Variants in IGF1 observed in about 807,000 individuals in gnomAD.
IGF1 encodes the protein insulin like growth factor 1, also known as insulin-like growth factor 1.
In IGF1, 4 loss-of-function variants were observed where a neutral mutation model predicts 13.8. The ratio of observed to expected loss-of-function variants is 0.29; its 90% CI spans 0.14 to 0.66. The LOEUF (loss-of-function observed/expected upper bound fraction) is 0.66, where lower values mean the gene tolerates loss of function less well. Among genes scored for constraint, IGF1 ranks in the 30% least tolerant of loss-of-function variants. The pLI is 0.78. For synonymous variants in IGF1, 76 were observed against 72.6 expected (o/e 1.05, Z -0.23); for missense variants, 124 against 188.5 (o/e 0.66, Z 2.00).
intron 2 of IGF1, among the ~76,000 whole-genome samples, chr12:102,424,239 C>CT (rs11305762): frequency 0.026 from 3,653 of 139,098 alleles, 149 homozygotes; most frequent in African/African-American, 0.085. Context: ...AAGTTGATCC[C>CT]TTTTTTTTTT....
chr12:102,422,352 T>G (rs1230696829), intron 2 of IGF1, among the ~76,000 whole-genome samples: 1 of 152,228 alleles, frequency 6.6e-6, no homozygotes. Flanking sequence ...ACTCATAATG[T>G]CTACAATGGA....
chr12:102,480,491 A>G lies in IGF1; in HGVS notation c.-110T>C. On this transcript the variant is annotated 5_prime_UTR_variant, in exon 1 of 4. Coordinates refer to ENST00000337514, the MANE Select transcript of IGF1 (RefSeq NM_000618.5). ...AGAGCAATGTCACATTTCAATTTTGAGGACTTTATTCCATTGCGCAGGCTC... is the reference window on the plus strand; with the variant it reads ...AGAGCAATGTCACATTTCAATTTTGGGGACTTTATTCCATTGCGCAGGCTC... 1 of 1,574,656 alleles carries G rather than the reference A, an allele frequency of 6.4e-7. No homozygotes were observed. Among genetic ancestry groups the G allele is most frequent in the Non-Finnish European group, 8.6e-7 (1 of 1,160,566 alleles).
intron 2 of IGF1, among the ~76,000 whole-genome samples, chr12:102,456,005 T>C (rs893653809): frequency 6.6e-6 from 1 of 152,236 alleles, no homozygotes; most frequent in African/African-American, 2.4e-5. Flanking sequence ...CTACTGATCT[T>C]TTCCTTTATC....
At chr12:102,430,138 C>G (rs1227499705) in intron 2 of IGF1, among the ~76,000 whole-genome samples, 1 of 152,128 alleles carries the variant, frequency 6.6e-6, no homozygotes. Flanking sequence ...ATCACTTATG[C>G]CAATACTTAG....
intron 2 of IGF1, among the ~76,000 whole-genome samples, chr12:102,442,481 T>G (rs1877947596): frequency 6.6e-6 from 1 of 152,126 alleles, no homozygotes; most frequent in Non-Finnish European, 1.5e-5. Flanking sequence ...TTAGTTTGCT[T>G]GGCCTGATAA....
upstream of IGF1, among the ~76,000 whole-genome samples, chr12:102,480,829 T>G (rs2137305546): frequency 6.6e-6 from 1 of 152,292 alleles, no homozygotes; most frequent in South Asian, 2.1e-4. Flanking sequence ...AAAATAAGGA[T>G]CTGTTTTCTG....
intron 2 of IGF1, among the ~76,000 whole-genome samples, chr12:102,460,255 G>C (rs1343325906): frequency 6.6e-6 from 1 of 152,216 alleles, no homozygotes; most frequent in Non-Finnish European, 1.5e-5. Flanking sequence ...TGGGGTGGGA[G>C]TGGAAACGTT....
intron 2 of IGF1, among the ~76,000 whole-genome samples, chr12:102,456,364 A>G (rs1036675800): frequency 2.6e-5 from 4 of 152,090 alleles, no homozygotes; most frequent in Admixed American, 2.0e-4. Flanking sequence ...GAAAGTCTTC[A>G]TTTAGGGAAA....
At chr12:102,478,909 T>C (rs1463765187) in intron 1 of IGF1, among the ~76,000 whole-genome samples, 1 of 152,190 alleles carries the variant, frequency 6.6e-6, no homozygotes, top group African/African-American at 2.4e-5. Context: ...CTTTACCCAC[T>C]GAATTACATG....
At chr12:102,424,157 T>C (rs180793040) in intron 2 of IGF1, among the ~76,000 whole-genome samples, 97 of 151,826 alleles carry the variant, frequency 6.4e-4, no homozygotes, top group Middle Eastern at 3.5e-3. Context: ...TCTTAAGATA[T>C]ACATTTGTTA....
chr12:102,434,717 G>A (rs893250085), intron 2 of IGF1, among the ~76,000 whole-genome samples: 13 of 151,966 alleles, frequency 8.6e-5, no homozygotes, highest in Admixed American at 2.6e-4. Flanking sequence ...CTGAGGAATC[G>A]CCACACTGAC....
At chr12:102,420,730 C>T (rs1379780192) in intron 2 of IGF1, among the ~76,000 whole-genome samples, 1 of 152,170 alleles carries the variant, frequency 6.6e-6, no homozygotes, top group Non-Finnish European at 1.5e-5. Flanking sequence ...TCTGTTCTAG[C>T]TCAGGCAAGG....
At chr12:102,458,268 T>C (rs1752860996) in intron 2 of IGF1, among the ~76,000 whole-genome samples, 1 of 152,316 alleles carries the variant, frequency 6.6e-6, no homozygotes, top group Non-Finnish European at 1.5e-5. Context: ...ACTCAATTCA[T>C]TATCTCAGCC....
intron 3 of IGF1, among the ~76,000 whole-genome samples, chr12:102,403,147 C>G (rs530359313): frequency 6.6e-6 from 1 of 152,100 alleles, no homozygotes; most frequent in African/African-American, 2.4e-5. Flanking sequence ...TATTTTCTGG[C>G]TGTGTAAACT....
At chr12:102,479,842 C>T (rs1326698378) in intron 1 of IGF1, among the ~76,000 whole-genome samples, 29 of 152,056 alleles carry the variant, frequency 1.9e-4, no homozygotes, top group Admixed American at 1.9e-3. Flanking sequence ...ATCTAAAATA[C>T]AACCCTTCAT....
rs1873470421 is a variant in IGF1, at chr12:102,399,115, G to GTGTA, written c.*3391_*3392insTACA. On this transcript the variant is annotated 3_prime_UTR_variant, in exon 4 of 4. Coordinates refer to ENST00000337514, the MANE Select transcript of IGF1 (RefSeq NM_000618.5). Reference sequence around the variant, plus strand: ...TTGGATCCTTAGGGTGAATGTGTGTGTGTGTGTGTGTGTGTGTGTGTGTGT... The same window carrying GTGTA: ...TTGGATCCTTAGGGTGAATGTGTGTGTGTATGTGTGTGTGTGTGTGTGTGTGTGT... The GTGTA allele has an allele frequency of 2.0e-5, 3 of 151,462 alleles. No individual in the cohort carries two copies. The highest frequency in any genetic ancestry group is 4.2e-4 in the South Asian group (2 of 4,776). 9.4% of individuals were successfully genotyped at this position (151,462 alleles called of 1,614,324 possible).
intron 2 of IGF1, among the ~76,000 whole-genome samples, chr12:102,469,781 T>C (rs1459560632): frequency 6.6e-6 from 1 of 152,134 alleles, no homozygotes; most frequent in Non-Finnish European, 1.5e-5. Flanking sequence ...TTACAAAATG[T>C]TCATGTCTCA....
chr12:102,434,072 T>C (rs929822493), intron 2 of IGF1, among the ~76,000 whole-genome samples: 3 of 152,160 alleles, frequency 2.0e-5, no homozygotes, highest in Non-Finnish European at 4.4e-5. Context: ...CTTTTTTTAC[T>C]TGAAAAACAA....
At chr12:102,422,328 GT>G (rs1203228275) in intron 2 of IGF1, among the ~76,000 whole-genome samples, 1 of 152,124 alleles carries the variant, frequency 6.6e-6, no homozygotes, top group Admixed American at 6.5e-5. Context: ...CTAGAGAGAT[GT>G]TTTTCTTTGT....
Sources: gnomAD v4.1 joint callset for allele counts (sites outside exome capture counted in the v4.1 genomes callset) on GRCh38, gnomAD v4.1.1 for gene constraint, MANE v1.5 for transcripts, NCBI Gene and HGNC (gene_info 2026-07-23, HGNC 2026-07-21) for gene names.